TLE4: variants seen among roughly 807,000 people sequenced by gnomAD.
TLE4 encodes the protein TLE family member 4, transcriptional corepressor.
Under a neutral mutation model 92.8 loss-of-function variants are expected in TLE4, and 8 were observed. That is an observed-to-expected ratio of 0.09 (90% CI 0.05 to 0.16). The LOEUF (loss-of-function observed/expected upper bound fraction) is 0.16. Among genes scored for constraint, TLE4 ranks in the 10% least tolerant of loss-of-function variants. The probability of loss-of-function intolerance (pLI) is 1.00; values close to 1 mark genes in which losing one functional copy is unlikely to be tolerated. For missense variants in TLE4, 675 were observed against 997.6 expected, an observed-to-expected ratio of 0.68 and a Z score of 4.36; for synonymous variants, 371 against 374.1, an observed-to-expected ratio of 0.99 and a Z score of 0.10.
intron 8 of TLE4, among the ~76,000 whole-genome samples, chr9:79,678,105 TGAACTA>T (rs2063630079): frequency 6.6e-6 from 1 of 152,106 alleles, no homozygotes; most frequent in African/African-American, 2.4e-5. Context: ...AGTAGATATG[TGAACTA>T]TAAATATATT....
At chr9:79,620,784 G>A (rs1368541963) in intron 5 of TLE4, among the ~76,000 whole-genome samples, 1 of 152,194 alleles carries the variant, frequency 6.6e-6, no homozygotes, top group Non-Finnish European at 1.5e-5. Context: ...TCATGGTTCT[G>A]TAGGCTGCAC....
chr9:79,618,470 T>C (rs1006487171), intron 5 of TLE4, among the ~76,000 whole-genome samples: 15 of 152,210 alleles, frequency 9.9e-5, no homozygotes, highest in African/African-American at 3.1e-4. Context: ...GTGGGCTGTC[T>C]ATATTTGTGT....
At chr9:79,720,024 T>C (rs1485267083) in intron 15 of TLE4, 22 bp from the exon 16 acceptor site, 6 of 1,585,646 alleles carry the variant, frequency 3.8e-6, no homozygotes, top group African/African-American at 1.3e-5. Flanking sequence ...GAGTAATCTC[T>C]TGATGGTTTT....
At position 79,722,940 on chromosome 9, in the gene TLE4, C is replaced by CA. The variant is rs771132946; in HGVS notation, c.2138-15dup. On this transcript the variant is annotated intron_variant, in intron 18 of 19. Coordinates refer to ENST00000376552, the MANE Select transcript of TLE4 (RefSeq NM_007005.6). ...AGAGTAACACAAACATTGCCTTTTT[C>CA]AAAACCCTTTACCTATAGGCAAATG... is the stretch of plus-strand genomic sequence containing the variant. 1.9e-6 allele frequency: 3 copies of CA among 1,610,862 alleles called. No homozygotes were observed. Among genetic ancestry groups the CA allele is most frequent in the Non-Finnish European group, 2.5e-6 (3 of 1,178,822 alleles).
intron 6 of TLE4, among the ~76,000 whole-genome samples, chr9:79,643,139 G>T (rs1369625004): frequency 1.3e-5 from 2 of 152,142 alleles, no homozygotes; most frequent in Admixed American, 6.5e-5. Flanking sequence ...CAACTACAGA[G>T]AAATTGAATG....
chr9:79,608,580 A>AT (rs985292398), intron 4 of TLE4, among the ~76,000 whole-genome samples: 2 of 152,094 alleles, frequency 1.3e-5, no homozygotes, highest in African/African-American at 2.4e-5. Flanking sequence ...CTTTAAAAAA[A>AT]TTTTGGCAAG....
intron 8 of TLE4, among the ~76,000 whole-genome samples, chr9:79,678,529 ACAGT>A (rs765567702): frequency 5.3e-5 from 8 of 152,084 alleles, no homozygotes; most frequent in East Asian, 1.9e-4. Context: ...AAAACAATAC[ACAGT>A]CAGTAATTCT....
intron 8 of TLE4, among the ~76,000 whole-genome samples, chr9:79,657,672 G>A (rs904911872): frequency 7.9e-5 from 12 of 152,110 alleles, no homozygotes; most frequent in African/African-American, 2.7e-4. Flanking sequence ...GAGCTGTGAA[G>A]GCCAAAATTG....
At chr9:79,721,408 T>C (rs2075621212) in intron 16 of TLE4, among the ~76,000 whole-genome samples, 1 of 152,238 alleles carries the variant, frequency 6.6e-6, no homozygotes, top group Non-Finnish European at 1.5e-5. Flanking sequence ...AGAATAGGTC[T>C]CAGAATATAT....
intron 8 of TLE4, among the ~76,000 whole-genome samples, chr9:79,677,200 C>T (rs1294382293): frequency 6.6e-6 from 1 of 152,064 alleles, no homozygotes; most frequent in Non-Finnish European, 1.5e-5. Context: ...TGCAGAGTGC[C>T]TGGCATTTTA....
intron 4 of TLE4, among the ~76,000 whole-genome samples, chr9:79,608,979 G>A (rs1415175470): frequency 6.6e-6 from 1 of 152,008 alleles, no homozygotes; most frequent in Non-Finnish European, 1.5e-5. Flanking sequence ...CAGGTATAGG[G>A]TTAACTAAGT....
chr9:79,714,125 C>T (rs138938609), intron 14 of TLE4, among the ~76,000 whole-genome samples: 5 of 152,282 alleles, frequency 3.3e-5, no homozygotes, highest in Admixed American at 2.0e-4. Context: ...TCCCAAAGTG[C>T]TGGGATTACA....
chr9:79,611,172 A>G (rs184768944), intron 4 of TLE4, among the ~76,000 whole-genome samples: 1 of 152,074 alleles, frequency 6.6e-6, no homozygotes. Flanking sequence ...ATGTTCGTCC[A>G]GGTGGAGAGT....
intron 6 of TLE4, among the ~76,000 whole-genome samples, chr9:79,651,282 T>G (rs1486062457): frequency 6.6e-6 from 1 of 152,106 alleles, no homozygotes; most frequent in African/African-American, 2.4e-5. Flanking sequence ...GGATTCCTAT[T>G]GAGTAATACA....
At chr9:79,587,556 A>G (rs972967163) in intron 4 of TLE4, among the ~76,000 whole-genome samples, 23 of 152,194 alleles carry the variant, frequency 1.5e-4, no homozygotes, top group African/African-American at 5.3e-4. Context: ...AAGTTTTAAG[A>G]TAATTTTTAT....
intron 5 of TLE4, among the ~76,000 whole-genome samples, chr9:79,619,342 G>T (rs1302055565): frequency 6.6e-6 from 1 of 151,982 alleles, no homozygotes; most frequent in African/African-American, 2.4e-5. Context: ...GGTTAATATG[G>T]TACTGAATTA....
chr9:79,644,753 T>C (rs534925265), intron 6 of TLE4, among the ~76,000 whole-genome samples: 5 of 152,348 alleles, frequency 3.3e-5, no homozygotes, highest in African/African-American at 9.6e-5. Flanking sequence ...TCAGAGTCTG[T>C]TGCCTCTTCC....
chr9:79,695,375 A>C (rs999990156), intron 8 of TLE4, among the ~76,000 whole-genome samples: 4 of 151,508 alleles, frequency 2.6e-5, no homozygotes, highest in African/African-American at 9.7e-5. Flanking sequence ...ACACACACAC[A>C]CCACTGTTCT....
chr9:79,576,538 A>G (rs1200645703), intron 4 of TLE4: 1 of 160,148 alleles, frequency 6.2e-6, no homozygotes, highest in African/African-American at 2.4e-5. Flanking sequence ...GGAAAATATT[A>G]AACAGTAAAA....
Sources: allele counts gnomAD v4.1 joint callset (sites outside exome capture counted in the v4.1 genomes callset), GRCh38; gene constraint gnomAD v4.1.1; transcripts MANE v1.5; gene names NCBI Gene and HGNC (gene_info 2026-07-23, HGNC 2026-07-21).